The following CLIC5 variants were observed in gnomAD, a reference collection of about 807,000 sequenced individuals.
The protein encoded by CLIC5 is CLIC family member 5.
A neutral mutation model predicts 24.7 loss-of-function variants in CLIC5; 20 were observed. The ratio of observed to expected loss-of-function variants is 0.81; its 90% confidence interval spans 0.57 to 1.18. CLIC5 has a LOEUF of 1.18. CLIC5 is among the 50% of genes most tolerant of loss of function. CLIC5 has a pLI of 0.00. For missense variants in CLIC5, 341 were observed against 326.1 expected, an observed-to-expected ratio of 1.05 and a Z score of -0.35; for synonymous variants, 159 against 135.6, an observed-to-expected ratio of 1.17 and a Z score of -1.20.
At chr6:45,934,097 G>A (rs1322734560) in intron 4 of CLIC5, 1 of 152,226 alleles carries the variant, frequency 6.6e-6, no homozygotes, top group Admixed American at 6.5e-5. Flanking sequence ...CTTCTAGGAG[G>A]ACCGAGCTGC....
intron 1 of CLIC5, among the ~76,000 whole-genome samples, chr6:46,063,634 A>G (rs1247300207): frequency 6.6e-6 from 1 of 152,186 alleles, no homozygotes; most frequent in Non-Finnish European, 1.5e-5. Flanking sequence ...TGTGCATGGG[A>G]GAAAACTATC....
Position 46,073,133 on chromosome 6 carries a change from C to G in CLIC5, c.540+6570G>C, listed in dbSNP as rs188753700. Among the ~76,000 whole-genome samples the G allele has an allele frequency of 2.2e-4, 34 of 152,248 alleles. 1 individual carries two copies. The highest frequency in any genetic ancestry group is 6.3e-4 in the African/African-American group (26 of 41,546). On this transcript the variant is annotated intron_variant, in intron 1 of 5. Coordinates refer to the CLIC5 transcript ENST00000185206. ...TGATTAATGGCATTGATTCACAAAG[C>G]AAACCAGTTCATATGGGCACCTAGA... is the stretch of plus-strand genomic sequence containing the variant.
At chr6:45,937,003 G>A (rs1561947170) in intron 4 of CLIC5, among the ~76,000 whole-genome samples, 1 of 152,114 alleles carries the variant, frequency 6.6e-6, no homozygotes, top group Non-Finnish European at 1.5e-5. Context: ...AAATTACAGA[G>A]GAGGGGTGAG....
chr6:46,083,625 C>T (rs905171637), upstream of CLIC5, among the ~76,000 whole-genome samples: 1 of 152,136 alleles, frequency 6.6e-6, no homozygotes, highest in Non-Finnish European at 1.5e-5. Context: ...TTTGATTGCA[C>T]TGTGGTCTGA....
At chr6:45,990,086 G>A (rs1418410710) in intron 1 of CLIC5, among the ~76,000 whole-genome samples, 4 of 152,144 alleles carry the variant, frequency 2.6e-5, no homozygotes, top group African/African-American at 9.7e-5. Context: ...CTCCTCATCT[G>A]GAAAGTTGGG....
At chr6:46,123,899 C>A in the CLIC5 span, among the ~76,000 whole-genome samples, 59 of 152,050 alleles carry the variant, frequency 3.9e-4, no homozygotes, top group South Asian at 9.3e-3. Context: ...CTCTTCAAGG[C>A]GAGCTACAAA....
chr6:45,931,571 A>G (rs569761907), intron 4 of CLIC5, among the ~76,000 whole-genome samples: 2 of 152,232 alleles, frequency 1.3e-5, no homozygotes, highest in Non-Finnish European at 2.9e-5. Flanking sequence ...CTGTGAAATC[A>G]GGCAATGTCT....
chr6:45,927,234 G>A (rs1763535511), intron 4 of CLIC5, among the ~76,000 whole-genome samples: 1 of 152,094 alleles, frequency 6.6e-6, no homozygotes, highest in Non-Finnish European at 1.5e-5. Context: ...TGGGGTCTGG[G>A]GTGACAATGA....
chr6:46,075,236 C>T (rs1365630880), intron 1 of CLIC5, among the ~76,000 whole-genome samples: 1 of 152,130 alleles, frequency 6.6e-6, no homozygotes, highest in East Asian at 1.9e-4. Flanking sequence ...AATTAATCTG[C>T]TAAAGTAGGT....
chr6:46,050,297 C>A (rs1373385101), intron 1 of CLIC5, among the ~76,000 whole-genome samples: 3 of 152,170 alleles, frequency 2.0e-5, no homozygotes, highest in African/African-American at 7.2e-5. Context: ...GCTGTTGATG[C>A]CCTGCACTCT....
chr6:45,959,001 T>A (rs1457067578), intron 1 of CLIC5, among the ~76,000 whole-genome samples: 2 of 152,154 alleles, frequency 1.3e-5, no homozygotes, highest in Non-Finnish European at 2.9e-5. Flanking sequence ...CATACATACA[T>A]ACATGGTTAC....
the CLIC5 span, among the ~76,000 whole-genome samples, chr6:46,114,886 T>C: frequency 7.7e-4 from 117 of 152,146 alleles, no homozygotes; most frequent in Non-Finnish European, 1.2e-3. Context: ...GAGAGTGATA[T>C]GGAGGTCATG....
chr6:46,054,520 C>T (rs1768193463), intron 1 of CLIC5, among the ~76,000 whole-genome samples: 2 of 152,156 alleles, frequency 1.3e-5, no homozygotes, highest in South Asian at 2.1e-4. Flanking sequence ...TCCCTATAAA[C>T]GAGTGATGAT....
intron 3 of CLIC5, among the ~76,000 whole-genome samples, chr6:45,946,353 G>T (rs3777583): frequency 0.83 from 126,910 of 152,240 alleles, 53,526 homozygotes; most frequent in Non-Finnish European, 0.89. Context: ...AACAACTTGA[G>T]ACTTCCTGGA....
At chr6:46,064,701 A>G (rs982186399) in intron 1 of CLIC5, among the ~76,000 whole-genome samples, 1 of 152,126 alleles carries the variant, frequency 6.6e-6, no homozygotes, top group African/African-American at 2.4e-5. Context: ...TTGAAAATTA[A>G]TCGATGTATT....
intron 1 of CLIC5, among the ~76,000 whole-genome samples, chr6:46,077,156 A>G (rs9472683): frequency 0.3 from 45,920 of 151,908 alleles, 7,336 homozygotes; most frequent in Middle Eastern, 0.4. Flanking sequence ...CCAGCACCTG[A>G]CATAAGATCT....
chr6:46,044,533 A>G (rs1381648447), intron 1 of CLIC5, among the ~76,000 whole-genome samples: 1 of 152,142 alleles, frequency 6.6e-6, no homozygotes, highest in Non-Finnish European at 1.5e-5. Flanking sequence ...ATTGTTACAA[A>G]CCTTCAGGGC....
chr6:45,952,008 T>G (rs1158034099), intron 2 of CLIC5, among the ~76,000 whole-genome samples: 4 of 152,240 alleles, frequency 2.6e-5, no homozygotes, highest in Non-Finnish European at 5.9e-5. Context: ...TCCCTCATTT[T>G]AGACAATGAA....
intron 1 of CLIC5, among the ~76,000 whole-genome samples, chr6:46,078,734 C>A (rs1034095300): frequency 3.9e-5 from 6 of 152,090 alleles, no homozygotes; most frequent in African/African-American, 7.2e-5. Context: ...TTTAAAAGGA[C>A]CTTGTAGTAG....
Sources: gnomAD v4.1 joint callset for allele counts (sites outside exome capture counted in the v4.1 genomes callset) on GRCh38, gnomAD v4.1.1 for gene constraint, MANE v1.5 for transcripts, NCBI Gene and HGNC (gene_info 2026-07-23, HGNC 2026-07-21) for gene names.